Variants in TSPAN15 observed in about 807,000 individuals in gnomAD.
TSPAN15 encodes the protein tetraspanin-15.
Under a neutral mutation model 34.5 loss-of-function variants are expected in TSPAN15, and 20 were observed. The observed-to-expected ratio is 0.58, with a 90% CI of 0.41 to 0.84. TSPAN15 has a LOEUF of 0.84. Ranked by LOEUF, TSPAN15 falls within the 40% of genes least tolerant of loss-of-function variation. The pLI, the probability that TSPAN15 is intolerant of heterozygous loss-of-function variation, is 0.00. For synonymous variants in TSPAN15, 155 were observed against 153.9 expected, an observed-to-expected ratio of 1.01 and a Z score of -0.05; for missense variants, 313 against 386.1, an observed-to-expected ratio of 0.81 and a Z score of 1.59.
the TSPAN15 span, among the ~76,000 whole-genome samples, chr10:69,514,329 A>G: frequency 6.6e-6 from 1 of 152,114 alleles, no homozygotes; most frequent in African/African-American, 2.4e-5. Context: ...TTTCTTGTAA[A>G]ATCTTTGTCA....
intron 5 of TSPAN15, among the ~76,000 whole-genome samples, chr10:69,500,359 C>G (rs1329924816): frequency 6.6e-6 from 1 of 152,192 alleles, no homozygotes; most frequent in East Asian, 1.9e-4. Flanking sequence ...GTCCAGTGGT[C>G]CACCCAAGAA....
chr10:69,519,439 C>T, the TSPAN15 span, among the ~76,000 whole-genome samples: 2 of 151,916 alleles, frequency 1.3e-5, no homozygotes, highest in Non-Finnish European at 2.9e-5. Context: ...TAATATATTG[C>T]TTATGGATGT....
In TSPAN15 at chr10:69,505,853, G is replaced by A. The variant is rs77777934; in HGVS notation, c.619-271G>A. The A allele has an allele frequency of 6.6e-3, 2,336 of 351,286 alleles. 58 individuals are homozygous for A. The highest frequency in any genetic ancestry group is 0.044 in the African/African-American group (2,139 of 48,922). The allele number at this position is 351,286 out of a possible 1,614,324, so 21.8% of individuals were successfully genotyped here. A position where few individuals can be genotyped will look rare whatever the true frequency, so the allele number is the denominator to read the frequency against. On this transcript the variant is annotated intron_variant, in intron 6 of 7. Transcript: ENST00000373290. ...AGGCAGGGCAGTTGTTTGTGGAGTA[G>A]GATTACCCTGAGCTCTGCAGTCCCT... is the stretch of plus-strand genomic sequence containing the variant.
chr10:69,469,432 G>A (rs537096084), intron 1 of TSPAN15, among the ~76,000 whole-genome samples: 1 of 152,288 alleles, frequency 6.6e-6, no homozygotes, highest in Admixed American at 6.5e-5. Flanking sequence ...CTTGTGATTG[G>A]CATCTGAAGG....
chr10:69,454,353 A>G (rs1291535934), intron 1 of TSPAN15, among the ~76,000 whole-genome samples: 1 of 152,086 alleles, frequency 6.6e-6, no homozygotes, highest in African/African-American at 2.4e-5. Context: ...CCTCATCTCT[A>G]CTAAAAATAC....
the TSPAN15 span, among the ~76,000 whole-genome samples, chr10:69,549,219 C>G: frequency 2.0e-5 from 3 of 152,180 alleles, no homozygotes; most frequent in African/African-American, 7.2e-5. Context: ...CTGATTAACC[C>G]TGTTCTGGGA....
Position 69,460,276 on chromosome 10 carries a change from C to T in TSPAN15, c.96+8586C>T, listed in dbSNP as rs1841222789. Among the ~76,000 whole-genome samples, 4 of 152,218 alleles carry T rather than the reference C, an allele frequency of 2.6e-5. No individual in the cohort carries two copies. The South Asian group carries it at 8.3e-4, about 32-fold the overall frequency. ...CACTGTCAGAAGCACTAGGCCACAACAGGCACGCGGGGCCAGGCAGGCCGT... is the reference window on the plus strand; with the variant it reads ...CACTGTCAGAAGCACTAGGCCACAATAGGCACGCGGGGCCAGGCAGGCCGT... On this transcript the variant is annotated intron_variant, in intron 1 of 7. Coordinates refer to ENST00000373290, the MANE Select transcript of TSPAN15 (RefSeq NM_012339.5).
intron 2 of TSPAN15, 119 bp from the exon 3 acceptor site, chr10:69,485,022 A>C: frequency 1.0e-6 from 1 of 955,160 alleles, no homozygotes; most frequent in Non-Finnish European, 1.7e-6. Context: ...AGGAGCTGGT[A>C]GGAGCTCCCC....
At chr10:69,520,427 A>G in the TSPAN15 span, among the ~76,000 whole-genome samples, 1 of 152,204 alleles carries the variant, frequency 6.6e-6, no homozygotes, top group East Asian at 1.9e-4. Flanking sequence ...TTTCAGAGGC[A>G]GAAGCAGGTC....
chr10:69,506,418 G>T lies in TSPAN15; in HGVS notation c.735+178G>T. ...AGCAGTCGTGGCGAAGCTCTTCCAA[G>T]TGCTGCGCAGGCACTGCTGCTTCAC... On this transcript the variant is annotated intron_variant, in intron 7 of 7. Transcript: ENST00000373290. This position sits in a 1 kb window ranked among gnomAD's most constrained non-coding sequence, Gnocchi z 4.7. 1.6e-6 allele frequency: 1 copy of T among 620,864 alleles called. No homozygotes were observed. The highest frequency in any genetic ancestry group is 2.8e-6 in the Non-Finnish European group (1 of 351,128). 38.5% of individuals were successfully genotyped at this position (620,864 alleles called of 1,614,324 possible). A position where few individuals can be genotyped will look rare whatever the true frequency, so the allele number is the denominator to read the frequency against.
chr10:69,463,058 A>G (rs546083779), intron 1 of TSPAN15, among the ~76,000 whole-genome samples: 10 of 152,338 alleles, frequency 6.6e-5, no homozygotes, highest in African/African-American at 2.4e-4. Flanking sequence ...TGTGAGTTCT[A>G]GAATTTTGCT....
At chr10:69,525,612 G>A in the TSPAN15 span, among the ~76,000 whole-genome samples, 2 of 147,446 alleles carry the variant, frequency 1.4e-5, 1 homozygote, top group Admixed American at 1.4e-4. Context: ...CCTGAGGTCA[G>A]GAGTTCGAGA....
chr10:69,455,394 A>G (rs1180213166), intron 1 of TSPAN15, among the ~76,000 whole-genome samples: 2 of 152,188 alleles, frequency 1.3e-5, no homozygotes, highest in African/African-American at 2.4e-5. Flanking sequence ...CACGTGAATT[A>G]TGGAGATCTG....
intron 4 of TSPAN15, among the ~76,000 whole-genome samples, chr10:69,497,192 G>T (rs2133144585): frequency 6.6e-6 from 1 of 152,296 alleles, no homozygotes; most frequent in East Asian, 1.9e-4. Context: ...ATTGCAGAAA[G>T]ACAGTTCTAG....
the TSPAN15 span, among the ~76,000 whole-genome samples, chr10:69,544,645 C>T: frequency 1.8e-4 from 27 of 152,272 alleles, no homozygotes; most frequent in South Asian, 1.0e-3. Flanking sequence ...TTTCCTCTTC[C>T]GGAAAAGAGA....
intron 5 of TSPAN15, among the ~76,000 whole-genome samples, chr10:69,503,671 C>T (rs1301152009): frequency 6.6e-6 from 1 of 152,088 alleles, no homozygotes; most frequent in Non-Finnish European, 1.5e-5. Flanking sequence ...CGGCAGCGTT[C>T]ACTTACATGT....
At chr10:69,486,591 C>T (rs1305896248) in intron 3 of TSPAN15, among the ~76,000 whole-genome samples, 2 of 152,252 alleles carry the variant, frequency 1.3e-5, no homozygotes, top group South Asian at 2.1e-4. Context: ...GTCATGCACC[C>T]CTGTGCCCAG....
the TSPAN15 span, among the ~76,000 whole-genome samples, chr10:69,531,944 A>C: frequency 7.8e-6 from 1 of 128,086 alleles, no homozygotes; most frequent in African/African-American, 2.6e-5. Flanking sequence ...ACAAAACAAA[A>C]AAAAAACAAA....
chr10:69,538,282 C>G, the TSPAN15 span, among the ~76,000 whole-genome samples: 4 of 151,832 alleles, frequency 2.6e-5, no homozygotes, highest in East Asian at 3.9e-4. Flanking sequence ...GAATGTGGGT[C>G]GGAGAAAGAG....
Sources: allele counts gnomAD v4.1 joint callset (sites outside exome capture counted in the v4.1 genomes callset), GRCh38; gene constraint gnomAD v4.1.1; non-coding constraint Gnocchi (gnomAD v3.1); transcripts MANE v1.5; gene names NCBI Gene and HGNC (gene_info 2026-07-23, HGNC 2026-07-21).